PPP2R2B: variants seen among roughly 807,000 people sequenced by gnomAD.
PPP2R2B encodes the protein protein phosphatase 2 regulatory subunit Bbeta.
A neutral mutation model predicts 46.0 loss-of-function variants in PPP2R2B; 5 were observed. That is an observed-to-expected ratio of 0.11 (90% CI 0.06 to 0.23). PPP2R2B has a LOEUF of 0.23. PPP2R2B is among the 10% of genes least tolerant of loss of function. The probability of loss-of-function intolerance (pLI) is 1.00; values close to 1 mark genes in which losing one functional copy is unlikely to be tolerated. For missense variants in PPP2R2B, 367 were observed against 575.0 expected, an observed-to-expected ratio of 0.64 and a Z score of 3.70; for synonymous variants, 215 against 206.7, an observed-to-expected ratio of 1.04 and a Z score of -0.34.
At chr5:147,050,704 A>G (rs1415851876) in intron 1 of PPP2R2B, among the ~76,000 whole-genome samples, 2 of 152,090 alleles carry the variant, frequency 1.3e-5, no homozygotes, top group South Asian at 4.1e-4. Context: ...CCATACCTAC[A>G]TTGATATACA....
At chr5:146,672,407 G>C (rs1777428814) in intron 5 of PPP2R2B, among the ~76,000 whole-genome samples, 1 of 152,092 alleles carries the variant, frequency 6.6e-6, no homozygotes, top group African/African-American at 2.4e-5. Flanking sequence ...TTTGCTCAGG[G>C]AAGGGGCTCA....
At chr5:146,887,433 C>A (rs1400345880) in intron 1 of PPP2R2B, among the ~76,000 whole-genome samples, 4 of 152,062 alleles carry the variant, frequency 2.6e-5, no homozygotes, top group Non-Finnish European at 5.9e-5. Context: ...TAACATTAAT[C>A]TGATAAGCCT....
chr5:146,636,184 C>T (rs1774807871), intron 7 of PPP2R2B, among the ~76,000 whole-genome samples: 1 of 152,144 alleles, frequency 6.6e-6, no homozygotes, highest in African/African-American at 2.4e-5. Flanking sequence ...GAAATGCTCT[C>T]AAATTACCTC....
At chr5:146,654,272 G>A (rs140958636) in intron 5 of PPP2R2B, among the ~76,000 whole-genome samples, 72 of 152,242 alleles carry the variant, frequency 4.7e-4, no homozygotes, top group African/African-American at 1.5e-3. Flanking sequence ...CAGGGGAGGT[G>A]GGGGGAGGTG....
intron 2 of PPP2R2B, among the ~76,000 whole-genome samples, chr5:146,771,672 C>T (rs533809817): frequency 6.6e-6 from 1 of 152,300 alleles, no homozygotes; most frequent in African/African-American, 2.4e-5. Context: ...TTAGGTAGAA[C>T]ATTTGCTAGC....
chr5:147,078,251 T>C (rs1006307834), intron 2 of PPP2R2B, among the ~76,000 whole-genome samples: 2 of 152,240 alleles, frequency 1.3e-5, no homozygotes, highest in Admixed American at 1.3e-4. Flanking sequence ...TATTGAGCAC[T>C]GACGCCAATG....
chr5:146,965,845 A>C (rs1052108787), intron 1 of PPP2R2B, among the ~76,000 whole-genome samples: 2 of 152,344 alleles, frequency 1.3e-5, no homozygotes, highest in South Asian at 2.1e-4. Flanking sequence ...GTTTGAACCC[A>C]GCACTGTTAC....
Position 146,600,684 on chromosome 5 carries a change from G to A in PPP2R2B, c.791-224C>T, listed in dbSNP as rs549420313. ...TCATGGAAGGACTGGCATGGGACCC[G>A]TCCCATCATAGATCTGGCACTGACA... On this transcript the variant is annotated intron_variant, in intron 7 of 9. Coordinates refer to ENST00000394411, the MANE Select transcript of PPP2R2B (RefSeq NM_181675.4). Among the ~76,000 whole-genome samples, 21 of 152,038 alleles carry A rather than the reference G, an allele frequency of 1.4e-4. No individual in the cohort carries two copies. The South Asian group carries it at 1.7e-3, about 12-fold the overall frequency.
At chr5:146,825,175 T>G (rs539792007) in intron 2 of PPP2R2B, among the ~76,000 whole-genome samples, 1 of 152,212 alleles carries the variant, frequency 6.6e-6, no homozygotes, top group Admixed American at 6.5e-5. Flanking sequence ...GCCGACGTTA[T>G]CACATAGACA....
chr5:146,904,622 A>G (rs1762940175), intron 1 of PPP2R2B, among the ~76,000 whole-genome samples: 1 of 152,208 alleles, frequency 6.6e-6, no homozygotes, highest in Non-Finnish European at 1.5e-5. Flanking sequence ...GTAACCACTG[A>G]TCATACAGAC....
intron 4 of PPP2R2B, 121 bp from the exon 5 acceptor site, chr5:146,691,361 C>A (rs1051149172): frequency 4.2e-6 from 3 of 718,370 alleles, no homozygotes; most frequent in South Asian, 1.8e-5. Context: ...CAGAAGCTGG[C>A]TCACATAAAC....
At chr5:146,775,519 C>T (rs1755128878) in intron 2 of PPP2R2B, among the ~76,000 whole-genome samples, 1 of 152,000 alleles carries the variant, frequency 6.6e-6, no homozygotes, top group Non-Finnish European at 1.5e-5. Flanking sequence ...CATGTAGCCC[C>T]TAAGATTAGG....
In PPP2R2B at chr5:146,590,207, A is replaced by G; in HGVS notation, c.1072T>C (p.Tyr358His). The G allele has an allele frequency of 6.2e-7, 1 of 1,601,202 alleles. No homozygotes were observed. The highest frequency in any genetic ancestry group is 8.5e-7 in the Non-Finnish European group (1 of 1,178,284). ...TCGAACATCCTGAAGAAGTTGTTGT[A>G]GGAGCCTGTCATGATGACACTGCAA... ...GSDSVIMTGSYNNFFRMFDRN... is the reference protein window; with the variant it reads ...GSDSVIMTGSHNNFFRMFDRN... Residue 358 changes from tyrosine (Y) to histidine (H), a missense_variant, in exon 10 of 10, where the codon TAC becomes CAC. Physicochemically the swap from Tyr to His is moderately conservative, Grantham distance 83. Around this residue, in one of 2 missense-constraint regions of PPP2R2B, gnomAD observed 361 missense variants for 545.5 expected, o/e 0.66. Transcript: ENST00000394411.
At chr5:146,939,736 C>T (rs1400518015) in intron 1 of PPP2R2B, among the ~76,000 whole-genome samples, 2 of 151,856 alleles carry the variant, frequency 1.3e-5, no homozygotes, top group Non-Finnish European at 1.5e-5. Context: ...GTATTTTATC[C>T]CCAAATTAGT....
intron 6 of PPP2R2B, among the ~76,000 whole-genome samples, chr5:146,639,559 A>G (rs373998486): frequency 1.8e-4 from 28 of 152,282 alleles, no homozygotes; most frequent in African/African-American, 6.3e-4. Flanking sequence ...GGGCCGAGGT[A>G]CTGTCTGAGG....
chr5:146,876,010 C>T (rs544129508), intron 2 of PPP2R2B, among the ~76,000 whole-genome samples: 1 of 152,260 alleles, frequency 6.6e-6, no homozygotes, highest in African/African-American at 2.4e-5. Context: ...TTTTCCTTTT[C>T]TTTTCATACC....
At chr5:146,667,109 T>C (rs1777030835) in intron 5 of PPP2R2B, among the ~76,000 whole-genome samples, 1 of 152,268 alleles carries the variant, frequency 6.6e-6, no homozygotes. Context: ...GGTCAGAAGA[T>C]GAACAAATGA....
chr5:146,989,743 C>T (rs1315303750), intron 1 of PPP2R2B, among the ~76,000 whole-genome samples: 2 of 151,924 alleles, frequency 1.3e-5, no homozygotes, highest in African/African-American at 4.8e-5. Context: ...AATATTCTAG[C>T]CAAAGCAAGT....
chr5:146,922,904 T>C (rs1487089422), intron 1 of PPP2R2B, among the ~76,000 whole-genome samples: 1 of 152,146 alleles, frequency 6.6e-6, no homozygotes, highest in African/African-American at 2.4e-5. Context: ...TCTCTCCCTG[T>C]TGGAGATTCA....
Sources: allele counts gnomAD v4.1 joint callset (sites outside exome capture counted in the v4.1 genomes callset), GRCh38; gene constraint gnomAD v4.1.1; regional missense constraint gnomAD v4.1.1; transcripts MANE v1.5; gene names NCBI Gene and HGNC (gene_info 2026-07-23, HGNC 2026-07-21).